Variants in PDE8B observed in about 807,000 individuals in gnomAD.
PDE8B encodes the protein phosphodiesterase 8B, also known as high affinity cAMP-specific and IBMX-insensitive 3',5'-cyclic phosphodiesterase 8B.
PDE8B carries 26 observed loss-of-function variants against 101.3 expected under a neutral mutation model. The observed-to-expected ratio is 0.26, with a 90% CI of 0.19 to 0.36. The LOEUF (loss-of-function observed/expected upper bound fraction) is 0.36, where lower values mean the gene tolerates loss of function less well. Among genes scored for constraint, PDE8B ranks in the 10% least tolerant of loss-of-function variants. PDE8B has a pLI of 1.00. For missense variants in PDE8B, 810 were observed against 1,163.1 expected (o/e 0.70, Z 4.42); for synonymous variants, 424 against 429.3 (o/e 0.99, Z 0.15).
intron 6 of PDE8B, among the ~76,000 whole-genome samples, chr5:77,344,231 G>T (rs1779751058): frequency 6.6e-6 from 1 of 152,120 alleles, no homozygotes; most frequent in African/African-American, 2.4e-5. Flanking sequence ...TTACTGTATT[G>T]CTACACATTT....
chr5:77,123,364 C>T, the PDE8B span, among the ~76,000 whole-genome samples: 4 of 150,342 alleles, frequency 2.7e-5, no homozygotes, highest in East Asian at 3.9e-4. Context: ...CCTCCCCCAC[C>T]GCCCCCCGCT....
intron 1 of PDE8B, among the ~76,000 whole-genome samples, chr5:77,222,093 G>C (rs1169343450): frequency 6.6e-6 from 1 of 152,174 alleles, no homozygotes; most frequent in African/African-American, 2.4e-5. Context: ...GGGTAACCTG[G>C]TGTGAAGGAA....
At chr5:77,293,217 G>A (rs529141104) in intron 1 of PDE8B, among the ~76,000 whole-genome samples, 1 of 151,998 alleles carries the variant, frequency 6.6e-6, no homozygotes, top group Non-Finnish European at 1.5e-5. Flanking sequence ...TTATCTTTTT[G>A]TTGATCTCTC....
intron 1 of PDE8B, among the ~76,000 whole-genome samples, chr5:77,298,129 A>G (rs182171156): frequency 2.1e-3 from 319 of 152,306 alleles, no homozygotes; most frequent in African/African-American, 7.3e-3. Context: ...GAGTATAACT[A>G]TCTCCCCTCA....
chr5:77,189,028 T>A, the PDE8B span, among the ~76,000 whole-genome samples: 1 of 152,128 alleles, frequency 6.6e-6, no homozygotes, highest in Non-Finnish European at 1.5e-5. Context: ...CCTAAGCCCT[T>A]CCCTCTGCCT....
intron 1 of PDE8B, among the ~76,000 whole-genome samples, chr5:77,278,202 A>C (rs1764216525): frequency 6.6e-6 from 1 of 152,176 alleles, no homozygotes; most frequent in South Asian, 2.1e-4. Context: ...TCCCAGCTTC[A>C]GTACTCTAGA....
chr5:77,273,021 A>T (rs1214922312), intron 1 of PDE8B, among the ~76,000 whole-genome samples: 1 of 152,272 alleles, frequency 6.6e-6, no homozygotes. Context: ...AAGACAAGAC[A>T]TGAATTTAAA....
intron 19 of PDE8B, among the ~76,000 whole-genome samples, 200 bp from the exon 20 acceptor site, chr5:77,421,621 T>C (rs1426254050): frequency 6.6e-6 from 1 of 152,192 alleles, no homozygotes; most frequent in Non-Finnish European, 1.5e-5. Context: ...TGAGTGTCTT[T>C]TAAGACTGTA....
At position 77,413,312 on chromosome 5, in the gene PDE8B, A is replaced by G; in HGVS notation, c.1911+3A>G. 1 of 1,613,132 alleles carries G rather than the reference A, an allele frequency of 6.2e-7. No individual in the cohort carries two copies. ...TTCTTGGAAAGGAAAGAGTAAAGGTAGGATTTTGATATCATGACCTAGTTA... is the reference window on the plus strand; with the variant it reads ...TTCTTGGAAAGGAAAGAGTAAAGGTGGGATTTTGATATCATGACCTAGTTA... On this transcript the variant is annotated splice_donor_region_variant and intron_variant, in intron 17 of 21. Coordinates refer to ENST00000264917, the MANE Select transcript of PDE8B (RefSeq NM_003719.5).
At chr5:77,135,722 G>T in the PDE8B span, among the ~76,000 whole-genome samples, 29 of 151,894 alleles carry the variant, frequency 1.9e-4, no homozygotes, top group Admixed American at 1.9e-3. Flanking sequence ...TGATCCACCC[G>T]CCTCGGCCTC....
chr5:77,224,054 G>C (rs1751796639), intron 1 of PDE8B, among the ~76,000 whole-genome samples: 1 of 152,162 alleles, frequency 6.6e-6, no homozygotes, highest in African/African-American at 2.4e-5. Context: ...TATATAAAAT[G>C]GTTCTTGCTT....
intron 1 of PDE8B, among the ~76,000 whole-genome samples, chr5:77,306,420 A>G (rs1286000427): frequency 1.3e-5 from 2 of 152,206 alleles, no homozygotes; most frequent in Non-Finnish European, 2.9e-5. Flanking sequence ...CAGTCTTGCC[A>G]AGGAGTGAGA....
At chr5:77,325,822 T>C in intron 3 of PDE8B, 93 bp downstream of exon 3, 1 of 897,652 alleles carries the variant, frequency 1.1e-6, no homozygotes, top group Non-Finnish European at 1.8e-6. Flanking sequence ...TTTCAAATAT[T>C]TTTAAAATAT....
chr5:77,245,079 T>G (rs568413880), intron 1 of PDE8B, among the ~76,000 whole-genome samples: 14 of 152,338 alleles, frequency 9.2e-5, no homozygotes, highest in Non-Finnish European at 2.1e-4. Context: ...CCTTACATTG[T>G]TTTTTTAAAA....
At chr5:77,153,975 A>C in the PDE8B span, among the ~76,000 whole-genome samples, 2 of 152,288 alleles carry the variant, frequency 1.3e-5, no homozygotes, top group South Asian at 2.1e-4. Context: ...TGACTTGATA[A>C]ATTTCCAACC....
chr5:77,413,020 GA>G, intron 16 of PDE8B, 90 bp from the exon 17 acceptor site: 1 of 1,049,006 alleles, frequency 9.5e-7, no homozygotes, highest in Non-Finnish European at 1.5e-6. Context: ...ATCATCAGAA[GA>G]AAAATGCTTC....
At chr5:77,195,439 A>G in the PDE8B span, among the ~76,000 whole-genome samples, 1 of 152,066 alleles carries the variant, frequency 6.6e-6, no homozygotes, top group African/African-American at 2.4e-5. Context: ...CAGTTTCCCC[A>G]TATCATTGCC....
upstream of PDE8B, among the ~76,000 whole-genome samples, chr5:77,209,707 CCA>C (rs1422786542): frequency 6.6e-6 from 1 of 152,146 alleles, no homozygotes; most frequent in Admixed American, 6.5e-5. Flanking sequence ...ACTGCCCAGC[CCA>C]GAGTGTGAGG....
chr5:77,155,413 G>T, the PDE8B span, among the ~76,000 whole-genome samples: 371 of 152,316 alleles, frequency 2.4e-3, 1 homozygote, highest in African/African-American at 6.8e-3. Flanking sequence ...GCTGAGCTAG[G>T]AGTGTAGGAT....
Sources: gnomAD v4.1 joint callset for allele counts (sites outside exome capture counted in the v4.1 genomes callset) on GRCh38, gnomAD v4.1.1 for gene constraint, MANE v1.5 for transcripts, NCBI Gene and HGNC (gene_info 2026-07-23, HGNC 2026-07-21) for gene names.